SCFD2: variants seen among roughly 807,000 people sequenced by gnomAD.
SCFD2 encodes sec1 family domain-containing protein 2.
SCFD2 carries 54 observed loss-of-function variants against 58.9 expected under a neutral mutation model. The observed-to-expected ratio is 0.92, with a 90% CI of 0.74 to 1.15. The LOEUF (loss-of-function observed/expected upper bound fraction) is 1.15, where lower values mean the gene tolerates loss of function less well. Ranked by LOEUF, SCFD2 falls within the 50% of genes most tolerant of loss-of-function variation. The probability of loss-of-function intolerance (pLI) is 0.00; values close to 1 mark genes in which losing one functional copy is unlikely to be tolerated. For missense variants in SCFD2, 805 were observed against 836.6 expected (o/e 0.96, Z 0.47); for synonymous variants, 321 against 335.9 (o/e 0.96, Z 0.49).
chr4:52,939,294 A>C (rs1305348009), intron 5 of SCFD2, among the ~76,000 whole-genome samples: 2 of 152,220 alleles, frequency 1.3e-5, no homozygotes, highest in African/African-American at 2.4e-5. Flanking sequence ...TATCACACCT[A>C]ATCTTCTTGG....
intron 3 of SCFD2, among the ~76,000 whole-genome samples, chr4:53,288,880 A>G (rs1397555962): frequency 6.6e-6 from 1 of 152,252 alleles, no homozygotes; most frequent in Non-Finnish European, 1.5e-5. Context: ...TGGTGTGTAA[A>G]TATTTCAAAC....
At chr4:53,099,079 C>T (rs557536018) in intron 5 of SCFD2, among the ~76,000 whole-genome samples, 71 of 152,262 alleles carry the variant, frequency 4.7e-4, no homozygotes, top group African/African-American at 1.7e-3. Context: ...CAGTGTCTGG[C>T]GCTCAGTAAG....
chr4:52,942,934 G>T (rs1249290067), intron 5 of SCFD2, among the ~76,000 whole-genome samples: 2 of 149,298 alleles, frequency 1.3e-5, no homozygotes, highest in South Asian at 4.2e-4. Context: ...ATCTGCCATG[G>T]AAAGTAAAAG....
At chr4:53,016,190 T>C (rs963698244) in intron 5 of SCFD2, among the ~76,000 whole-genome samples, 6 of 152,208 alleles carry the variant, frequency 3.9e-5, no homozygotes, top group Non-Finnish European at 7.3e-5. Flanking sequence ...CTCAGAATAA[T>C]GAGAACATTT....
rs1465605223 is a variant in SCFD2, at chr4:53,329,555, T to A, written c.1008-15792A>T. On this transcript the variant is annotated intron_variant, in intron 2 of 8. Coordinates refer to ENST00000401642, the MANE Select transcript of SCFD2 (RefSeq NM_152540.4). ...GGGTCCTGTCTGTTAGAAGGAAAAC[T>A]AACAAACAGAAAGGACATCCACACC... Among the ~76,000 whole-genome samples the A allele has an allele frequency of 3.3e-5, 5 of 149,932 alleles. No individual in the cohort carries two copies. In the East Asian group the frequency reaches 9.9e-4, roughly 30 times the overall value.
intron 4 of SCFD2, among the ~76,000 whole-genome samples, chr4:53,187,938 C>G (rs1205335746): frequency 1.3e-5 from 2 of 152,036 alleles, no homozygotes; most frequent in Non-Finnish European, 2.9e-5. Flanking sequence ...GCCCATTGTT[C>G]AGGTAGAATA....
chr4:53,181,785 G>C (rs1269916759), intron 4 of SCFD2, among the ~76,000 whole-genome samples: 3 of 152,178 alleles, frequency 2.0e-5, no homozygotes, highest in Non-Finnish European at 4.4e-5. Flanking sequence ...ATCTCCTCAA[G>C]CTGATAAGCA....
chr4:53,033,252 GATGTTCTT>G (rs1306146865), intron 5 of SCFD2, among the ~76,000 whole-genome samples: 2 of 152,070 alleles, frequency 1.3e-5, no homozygotes, highest in Non-Finnish European at 2.9e-5. Flanking sequence ...CAGAAATAAA[GATGTTCTT>G]TGAAACCACT....
chr4:53,314,767 A>T (rs1732806153), intron 2 of SCFD2, among the ~76,000 whole-genome samples: 1 of 152,220 alleles, frequency 6.6e-6, no homozygotes, highest in South Asian at 2.1e-4. Context: ...TAATAGAATG[A>T]TGTATTTTTA....
intron 5 of SCFD2, among the ~76,000 whole-genome samples, chr4:52,945,443 A>G (rs955288986): frequency 2.0e-5 from 3 of 152,284 alleles, no homozygotes; most frequent in South Asian, 4.1e-4. Context: ...CTCAACACAT[A>G]TATTTTAACT....
intron 5 of SCFD2, among the ~76,000 whole-genome samples, chr4:53,053,375 A>G (rs1723236528): frequency 6.6e-6 from 1 of 152,164 alleles, no homozygotes; most frequent in African/African-American, 2.4e-5. Flanking sequence ...TGAAAATTTC[A>G]TTAGGCTGTA....
chr4:53,329,078 T>A (rs1733326169), intron 2 of SCFD2, among the ~76,000 whole-genome samples: 1 of 152,196 alleles, frequency 6.6e-6, no homozygotes, highest in Middle Eastern at 3.2e-3. Flanking sequence ...ATCCCTCACC[T>A]GGCTCAGAGG....
chr4:53,296,997 G>A (rs1456962940), intron 3 of SCFD2, among the ~76,000 whole-genome samples: 2 of 152,198 alleles, frequency 1.3e-5, no homozygotes, highest in African/African-American at 4.8e-5. Flanking sequence ...ACTGTGGTCT[G>A]AGAGAATGTT....
chr4:52,895,331 C>G (rs1460178726), intron 7 of SCFD2, among the ~76,000 whole-genome samples: 1 of 152,104 alleles, frequency 6.6e-6, no homozygotes, highest in Non-Finnish European at 1.5e-5. Flanking sequence ...CTACCCCTAC[C>G]CCACAACAGT....
At position 53,007,029 on chromosome 4, in the gene SCFD2, CTAGCACTTTG is replaced by C. The variant is rs1721983884; in HGVS notation, c.1562-86169_1562-86160del. 2.0e-5 allele frequency among the ~76,000 whole-genome samples: 3 copies of C among 152,112 alleles called. No homozygotes were observed. The South Asian group carries it at 6.2e-4, about 32-fold the overall frequency. ...GGCACGGTGGCTCACGCCTATAATCCTAGCACTTTGGGAGGCCGAAGTGGGAGGACTGCCT... is the reference window on the plus strand; with the variant it reads ...GGCACGGTGGCTCACGCCTATAATCCGGAGGCCGAAGTGGGAGGACTGCCT... On this transcript the variant is annotated intron_variant, in intron 5 of 8. Transcript: ENST00000401642.
chr4:53,098,342 G>A (rs1026999979), intron 5 of SCFD2, among the ~76,000 whole-genome samples: 7 of 152,116 alleles, frequency 4.6e-5, no homozygotes, highest in African/African-American at 1.4e-4. Context: ...AATCCGTCAG[G>A]TCCTGGACTT....
At chr4:53,128,532 T>C (rs924034410) in intron 5 of SCFD2, among the ~76,000 whole-genome samples, 1 of 152,054 alleles carries the variant, frequency 6.6e-6, no homozygotes, top group African/African-American at 2.4e-5. Context: ...TTATAAGATA[T>C]AGTATGTGCA....
At chr4:52,892,326 C>G (rs1368760597) in intron 7 of SCFD2, among the ~76,000 whole-genome samples, 1 of 152,190 alleles carries the variant, frequency 6.6e-6, no homozygotes, top group South Asian at 2.1e-4. Flanking sequence ...TTCTCACCTT[C>G]CCTCCCCAAG....
intron 5 of SCFD2, chr4:52,948,562 TG>T (rs1720501828): frequency 2.2e-6 from 1 of 456,168 alleles, no homozygotes; most frequent in Non-Finnish European, 4.4e-6. Flanking sequence ...TGTAAGTCAG[TG>T]CTAATATTCT....
Sources: allele counts gnomAD v4.1 joint callset (sites outside exome capture counted in the v4.1 genomes callset), GRCh38; gene constraint gnomAD v4.1.1; transcripts MANE v1.5; gene names NCBI Gene and HGNC (gene_info 2026-07-23, HGNC 2026-07-21).